Variants in ZBTB25 observed in about 807,000 individuals in gnomAD.
The protein encoded by ZBTB25 is zinc finger and BTB domain containing 25.
A neutral mutation model predicts 34.2 loss-of-function variants in ZBTB25; 20 were observed. That is an observed-to-expected ratio of 0.58 (90% confidence interval 0.41 to 0.85). The LOEUF is 0.85. Among genes scored for constraint, ZBTB25 ranks in the 40% least tolerant of loss-of-function variants. ZBTB25 has a pLI of 0.00. For missense variants in ZBTB25, 437 were observed against 521.8 expected (o/e 0.84, Z 1.58); for synonymous variants, 175 against 186.4 (o/e 0.94, Z 0.50).
intron 1 of ZBTB25, among the ~76,000 whole-genome samples, chr14:64,499,118 T>G (rs143760067): frequency 6.6e-6 from 1 of 152,292 alleles, no homozygotes; most frequent in East Asian, 1.9e-4. Context: ...TCTGGATTAG[T>G]TCAAACTAAG....
chr14:64,497,973 C>G (rs917445402), intron 1 of ZBTB25, among the ~76,000 whole-genome samples: 3 of 152,144 alleles, frequency 2.0e-5, no homozygotes, highest in African/African-American at 7.2e-5. Context: ...GACAAGGAGA[C>G]AGGAAAGTTG....
rs774388630 is a variant in ZBTB25, at chr14:64,490,377, A to G, written c.157T>C (p.Phe53Leu). 2 of 1,599,542 alleles carry G rather than the reference A, an allele frequency of 1.3e-6. No individual in the cohort carries two copies. The highest frequency in any genetic ancestry group is 1.7e-5 in the Admixed American group (1 of 58,762). ...CATCCTTACCTTGTTTGGTGAATAA[A>G]TATCATCTTGAAATAGTTAGAAAAA... is the stretch of plus-strand genomic sequence containing the variant. The part of the protein sequence containing the change: ...AAFSNYFKMI[F>L]IHQTSECIKI... Residue 53 changes from phenylalanine to leucine, a missense_variant, in exon 2 of 3, where the codon TTT becomes CTT. Transcript: ENST00000608382.
At chr14:64,453,464 G>A (rs1465700617) in intron 2 of ZBTB25, among the ~76,000 whole-genome samples, 3 of 152,180 alleles carry the variant, frequency 2.0e-5, no homozygotes, top group East Asian at 3.9e-4. Flanking sequence ...CCAGCTACTC[G>A]GGAGGCTGAG....
At chr14:64,503,508 G>C in intron 1 of ZBTB25, 153 bp downstream of exon 1, 3 of 985,402 alleles carry the variant, frequency 3.0e-6, no homozygotes, top group South Asian at 4.7e-5. Context: ...CCTGTGCCCT[G>C]CCTGACATCT....
upstream of ZBTB25, among the ~76,000 whole-genome samples, chr14:64,504,330 G>T (rs1486090059): frequency 6.6e-6 from 1 of 151,688 alleles, no homozygotes; most frequent in East Asian, 2.0e-4. Context: ...CACTCGAGGC[G>T]GACCGCGAGT....
At chr14:64,458,258 T>C in intron 2 of ZBTB25, 3 of 1,613,828 alleles carry the variant, frequency 1.9e-6, no homozygotes, top group Non-Finnish European at 2.5e-6. Context: ...GTTTTTATGA[T>C]ATTGATTTGG....
chr14:64,461,959 TC>T (rs1167366681), intron 2 of ZBTB25: 2 of 152,200 alleles, frequency 1.3e-5, no homozygotes, highest in Admixed American at 6.5e-5. Context: ...TGCTGGGAAT[TC>T]ATTTTGTAGA....
Position 64,478,059 on chromosome 14 carries a change from G to C in ZBTB25, c.*8864C>G, listed in dbSNP as rs2078736048. 6.6e-6 allele frequency: 1 copy of C among 152,216 alleles called. No individual in the cohort carries two copies. Among genetic ancestry groups the C allele is most frequent in the African/African-American group, 2.4e-5 (1 of 41,452 alleles). 9.4% of individuals were successfully genotyped at this position (152,216 alleles called of 1,614,324 possible). ...GAAAGGACACCATGGTGTTCCAGTA[G>C]CTTAATACTTTATTATTTTGATACA... On this transcript the variant is annotated 3_prime_UTR_variant, in exon 3 of 3. Coordinates refer to ENST00000608382, the MANE Select transcript of ZBTB25 (RefSeq NM_006977.5).
Position 64,486,804 on chromosome 14 carries a change from G to A in ZBTB25, c.*119C>T, listed in dbSNP as rs970862456. The A allele has an allele frequency of 4.2e-6, 6 of 1,438,516 alleles. No individual in the cohort carries two copies. The highest frequency in any genetic ancestry group is 1.5e-5 in the South Asian group (1 of 65,118). 89.1% of individuals were successfully genotyped at this position (1,438,516 alleles called of 1,614,324 possible). On this transcript the variant is annotated 3_prime_UTR_variant, in exon 3 of 3. Transcript: ENST00000608382. ...CTAATATATACAACCTTAAAACCAT[G>A]GATAAGCTGTGAAGAAAAAAAGTCA...
intron 1 of ZBTB25, chr14:64,503,119 T>C: frequency 2.0e-6 from 2 of 985,460 alleles, no homozygotes; most frequent in African/African-American, 1.7e-5. Flanking sequence ...GGTGATAAGA[T>C]GGGTCAAGCT....
chr14:64,457,691 G>A (rs2078497840), intron 2 of ZBTB25, among the ~76,000 whole-genome samples: 1 of 152,062 alleles, frequency 6.6e-6, no homozygotes, highest in Admixed American at 6.6e-5. Flanking sequence ...CCTGACCTCA[G>A]GTGATCCATC....
intron 2 of ZBTB25, chr14:64,470,114 A>C (rs1368513989): frequency 5.9e-6 from 1 of 168,290 alleles, no homozygotes; most frequent in Non-Finnish European, 1.4e-5. Context: ...TACAGTGCAC[A>C]TATATGTTTA....
chr14:64,503,057 C>T (rs1031328750), intron 1 of ZBTB25: 1 of 985,398 alleles, frequency 1.0e-6, no homozygotes, highest in East Asian at 1.1e-4. Context: ...TATGCGCTGC[C>T]TCCGCAACTG....
intron 1 of ZBTB25, among the ~76,000 whole-genome samples, chr14:64,498,743 C>G (rs1026632167): frequency 6.6e-6 from 1 of 152,186 alleles, no homozygotes; most frequent in African/African-American, 2.4e-5. Flanking sequence ...GCGCCATTCT[C>G]CTGCCTCAGC....
At chr14:64,492,475 G>T (rs192030292) in intron 1 of ZBTB25, among the ~76,000 whole-genome samples, 1 of 151,964 alleles carries the variant, frequency 6.6e-6, no homozygotes, top group Non-Finnish European at 1.5e-5. Context: ...CTAAAGGCAT[G>T]AGCCACCGTG....
chr14:64,454,891 A>C (rs1425515260), intron 2 of ZBTB25: 2 of 1,613,856 alleles, frequency 1.2e-6, no homozygotes, highest in Non-Finnish European at 1.7e-6. Flanking sequence ...TGCATGCTGC[A>C]AGGGAGTAGT....
intron 1 of ZBTB25, among the ~76,000 whole-genome samples, chr14:64,496,071 G>C (rs1435069361): frequency 2.0e-5 from 3 of 152,022 alleles, no homozygotes; most frequent in Non-Finnish European, 4.4e-5. Flanking sequence ...TTAAACGAAA[G>C]CAATTTATTA....
intron 1 of ZBTB25, among the ~76,000 whole-genome samples, chr14:64,491,761 G>C (rs1157980186): frequency 2.0e-5 from 3 of 152,064 alleles, no homozygotes; most frequent in Non-Finnish European, 4.4e-5. Flanking sequence ...TCATTGGGTG[G>C]CCAGGAGAAC....
At chr14:64,489,680 C>G (rs376468243) in intron 2 of ZBTB25, among the ~76,000 whole-genome samples, 2 of 151,430 alleles carry the variant, frequency 1.3e-5, no homozygotes, top group African/African-American at 4.8e-5. Flanking sequence ...GGACTACAGG[C>G]GCCCACCACC....
Sources: allele counts gnomAD v4.1 joint callset (sites outside exome capture counted in the v4.1 genomes callset), GRCh38; gene constraint gnomAD v4.1.1; transcripts MANE v1.5; gene names NCBI Gene and HGNC (gene_info 2026-07-23, HGNC 2026-07-21).